Variants in CSPG4 observed in about 807,000 individuals in gnomAD.
CSPG4 encodes the protein chondroitin sulfate proteoglycan 4.
A neutral mutation model predicts 139.3 loss-of-function variants in CSPG4; 74 were observed. The ratio of observed to expected loss-of-function variants is 0.53; its 90% CI spans 0.44 to 0.64. The LOEUF is 0.64. Among genes scored for constraint, CSPG4 ranks in the 30% least tolerant of loss-of-function variants. CSPG4 has a pLI of 0.00. For missense variants in CSPG4, 2,565 were observed against 3,148.3 expected (o/e 0.81, Z 4.43); for synonymous variants, 1,234 against 1,394.2 (o/e 0.89, Z 2.56).
rs1893883716 is a variant in CSPG4, at chr15:75,675,925, T to C, written c.6594A>G (p.Pro2198=). ...GCTCAGGGCTGGATGCCATGGGGCC[T>C]GGCTCGCCTGTGGGGGTGCTGCTCT... The part of the protein sequence containing the change: ...KPESSTPTGE[P]GPMASSPEPA... Residue 2198 remains proline, a synonymous_variant, in exon 10 of 10, where the codon CCA becomes CCG. Coordinates refer to ENST00000308508, the MANE Select transcript of CSPG4 (RefSeq NM_001897.5). 6.3e-7 allele frequency: 1 copy of C among 1,598,500 alleles called. No individual in the cohort carries two copies. Among genetic ancestry groups the C allele is most frequent in the African/African-American group, 1.3e-5 (1 of 74,862 alleles).
At chr15:75,703,582 C>T (rs191363953) in intron 1 of CSPG4, among the ~76,000 whole-genome samples, 25 of 152,278 alleles carry the variant, frequency 1.6e-4, no homozygotes, top group Middle Eastern at 3.4e-3. Flanking sequence ...CAACGCAATG[C>T]GGTGGGGCAG....
chr15:75,678,597 A>G (rs1039029425), intron 8 of CSPG4: 7 of 454,192 alleles, frequency 1.5e-5, no homozygotes, highest in Non-Finnish European at 3.1e-5. Context: ...CAAGCGGTCC[A>G]CTTGCCTCGG....
In CSPG4 at chr15:75,675,957, T is replaced by C; in HGVS notation, c.6562A>G (p.Lys2188Glu). 1.3e-6 allele frequency: 2 copies of C among 1,585,710 alleles called. No individual in the cohort carries two copies. Among genetic ancestry groups the C allele is most frequent in the African/African-American group, 1.3e-5 (1 of 74,770 alleles). ...CCTGTGGGGGTGCTGCTCTCTGGCTTCCCTGCTTCCGTCCGGGCGGCCTCG... is the reference window on the plus strand; with the variant it reads ...CCTGTGGGGGTGCTGCTCTCTGGCTCCCCTGCTTCCGTCCGGGCGGCCTCG... ...VPEAARTEAG[K>E]PESSTPTGEP... The change falls in exon 10 of 10, where the codon AAG becomes GAG. Residue 2188 changes from lysine to glutamate, a missense_variant. Physicochemically the swap from Lys to Glu is moderately conservative, Grantham distance 56 (BLOSUM62 1). This residue lies in a region of CSPG4 where 2,316 missense variants were observed against 2,818.2 expected (regional missense o/e 0.82). Coordinates refer to ENST00000308508, the MANE Select transcript of CSPG4 (RefSeq NM_001897.5).
chr15:75,682,818 C>T, intron 6 of CSPG4, 25 bp downstream of exon 6: 2 of 1,605,738 alleles, frequency 1.2e-6, no homozygotes, highest in Non-Finnish European at 1.7e-6. Context: ...CAGCAGGAAC[C>T]CGAGGCCCGG....
Position 75,677,146 on chromosome 15 carries a change from C to G in CSPG4, c.5373G>C (p.Gly1791=). 1 of 1,423,028 alleles carries G rather than the reference C, an allele frequency of 7.0e-7. No individual in the cohort carries two copies. Among genetic ancestry groups the G allele is most frequent in the Non-Finnish European group, 9.2e-7 (1 of 1,085,860 alleles). The allele number at this position is 1,423,028 out of a possible 1,614,324, so 88.2% of individuals were successfully genotyped here. ...AGTGGAAGCCATCCTGCTGGGTGCC[C>G]CCACCGCCGTGGGCATACACTAGCT... is the stretch of plus-strand genomic sequence containing the variant. ...AGQLVYAHGG[G]GTQQDGFHFR... is the part of the protein sequence containing the mutation. Residue 1791 remains glycine, a synonymous_variant, in exon 10 of 10, where the codon GGG becomes GGC. Coordinates refer to ENST00000308508, the MANE Select transcript of CSPG4 (RefSeq NM_001897.5).
Position 75,677,254 on chromosome 15 carries a change from G to A in CSPG4, c.5265C>T (p.Pro1755=). The part of the protein sequence containing the change: ...HDVLFQVTQF[P]SRGQLLVSEE... ...CGGACACCAACAGCTGGCCCCGGCT[G>A]GGGAACTGTGTGACCTGGAAGAGCA... is the stretch of plus-strand genomic sequence containing the variant. Residue 1755 remains proline (P), a synonymous_variant, in exon 10 of 10, where the codon CCC becomes CCT. Transcript: ENST00000308508. 2.0e-6 allele frequency: 3 copies of A among 1,493,186 alleles called. No homozygotes were observed. The highest frequency in any genetic ancestry group is 1.4e-5 in the South Asian group (1 of 72,384). The allele number at this position is 1,493,186 out of a possible 1,614,324, so 92.5% of individuals were successfully genotyped here. A position where few individuals can be genotyped will look rare whatever the true frequency, so the allele number is the denominator to read the frequency against.
chr15:75,707,106 G>A (rs911040920), intron 1 of CSPG4, among the ~76,000 whole-genome samples: 5 of 152,010 alleles, frequency 3.3e-5, no homozygotes, highest in African/African-American at 1.2e-4. Context: ...TACAGGTGTC[G>A]CCAGCACGCC....
At chr15:75,690,852 T>C in intron 2 of CSPG4, 40 bp from the exon 3 acceptor site, 1 of 1,562,574 alleles carries the variant, frequency 6.4e-7, no homozygotes, top group African/African-American at 1.4e-5. Flanking sequence ...GGACAGCACT[T>C]TGGATCCATC....
rs757919297 is a variant in CSPG4 at position 75,690,717 on chromosome 15, G to C, written c.348C>G (p.Val116=). 1 of 1,613,182 alleles carries C rather than the reference G, an allele frequency of 6.2e-7. No homozygotes were observed. Among genetic ancestry groups the C allele is most frequent in the South Asian group, 1.1e-5 (1 of 91,084 alleles). The change falls in exon 3 of 10, where the codon GTC becomes GTG. Residue 116 remains valine, a synonymous_variant. Coordinates refer to ENST00000308508, the MANE Select transcript of CSPG4 (RefSeq NM_001897.5). The part of the protein sequence containing the change: ...DSIPHTVVLT[V]VEGWATLSVD... ...CTGACAACGTGGCCCAGCCCTCTAC[G>C]ACAGTCAGCACCACAGTGTGGGGGA...
rs1376572951 is a variant in CSPG4 at position 75,688,386 on chromosome 15, A to C, written c.2679T>G (p.Ile893Met). The C allele has an allele frequency of 4.3e-6, 7 of 1,613,374 alleles. No homozygotes were observed. The highest frequency in any genetic ancestry group is 3.4e-6 in the Non-Finnish European group (4 of 1,180,038). Residue 893 changes from isoleucine (I) to methionine (M), a missense_variant, in exon 3 of 10, where the codon ATT becomes ATG. Coordinates refer to ENST00000308508, the MANE Select transcript of CSPG4 (RefSeq NM_001897.5). ...FSPLYTFPIH[I>M]GGDPDAPVLT... ...GGACAGGCGCATCTGGGTCACCACC[A>C]ATGTGGATGGGGAAGGTATAGAGTG...
At chr15:75,701,006 C>T (rs1284725858) in intron 1 of CSPG4, among the ~76,000 whole-genome samples, 1 of 152,202 alleles carries the variant, frequency 6.6e-6, no homozygotes, top group Non-Finnish European at 1.5e-5. Flanking sequence ...ACACAGGGCT[C>T]AGAGCCATGT....
rs1894364037 is a variant in CSPG4 at position 75,705,906 on chromosome 15, T to C, written c.88+6762A>G. ...CTGTGCCTGTGTGTATATGTCTGTG[T>C]GCGTGTGTGTGTGCGTATGTGTGTC... On this transcript the variant is annotated intron_variant, in intron 1 of 9. Coordinates refer to ENST00000308508, the MANE Select transcript of CSPG4 (RefSeq NM_001897.5). Among the ~76,000 whole-genome samples the C allele has an allele frequency of 1.3e-5, 2 of 152,146 alleles. 1 individual carries two copies. The highest frequency in any genetic ancestry group is 4.2e-4 in the South Asian group (2 of 4,790).
chr15:75,710,613 C>T lies in CSPG4; in HGVS notation c.88+2055G>A, dbSNP rs532039848. Among the ~76,000 whole-genome samples the T allele has an allele frequency of 3.9e-5, 6 of 152,280 alleles. No homozygotes were observed. In the South Asian group the frequency reaches 8.3e-4, roughly 21 times the overall value. ...CCTCTAGGGTGCTGACTGCCAGGCC[C>T]CCTGACCTGGATGCCTCAAATGTTG... On this transcript the variant is annotated intron_variant, in intron 1 of 9. Transcript: ENST00000308508.
intron 2 of CSPG4, 53 bp downstream of exon 2, chr15:75,693,017 G>A: frequency 1.2e-6 from 1 of 852,974 alleles, no homozygotes; most frequent in Non-Finnish European, 1.8e-6. Flanking sequence ...CTCAAAGCTA[G>A]AGAAGGAATC....
chr15:75,679,387 C>T (rs1893940671), intron 8 of CSPG4: 1 of 152,500 alleles, frequency 6.6e-6, no homozygotes, highest in Non-Finnish European at 1.5e-5. Flanking sequence ...GCTGCAGTCC[C>T]CCGCCCATTA....
chr15:75,684,925 C>A lies in CSPG4; in HGVS notation c.4273-13G>T, dbSNP rs1894032045. On this transcript the variant is annotated splice_polypyrimidine_tract_variant and intron_variant, in intron 4 of 9. Coordinates refer to ENST00000308508, the MANE Select transcript of CSPG4 (RefSeq NM_001897.5). ...GCTGCTCTTCCACCTAGGGGCAGGC[C>A]CAGGGCTGGCAGTCAGGCCCCAGCA... 1 of 1,601,106 alleles carries A rather than the reference C, an allele frequency of 6.2e-7. No homozygotes were observed. Among genetic ancestry groups the A allele is most frequent in the Admixed American group, 1.7e-5 (1 of 59,858 alleles).
chr15:75,712,244 T>C (rs1282217065), intron 1 of CSPG4, among the ~76,000 whole-genome samples: 2 of 151,268 alleles, frequency 1.3e-5, no homozygotes, highest in East Asian at 3.9e-4. Flanking sequence ...TCCCCATTCC[T>C]GGCCCAGGGC....
chr15:75,685,235 G>A lies in CSPG4; in HGVS notation c.4256C>T (p.Ala1419Val). 7.2e-6 allele frequency: 11 copies of A among 1,521,770 alleles called. No individual in the cohort carries two copies. The highest frequency in any genetic ancestry group is 9.7e-6 in the Non-Finnish European group (11 of 1,135,636). 94.3% of individuals were successfully genotyped at this position (1,521,770 alleles called of 1,614,324 possible). A position where few individuals can be genotyped will look rare whatever the true frequency, so the allele number is the denominator to read the frequency against. Reference sequence around the variant, plus strand: ...CAGCCATACCATTCTCCAGGAGAAGGCGCTGAGGGTCCTGGCTTGAGGTCC... The same window carrying A: ...CAGCCATACCATTCTCCAGGAGAAGACGCTGAGGGTCCTGGCTTGAGGTCC... ...EDGPQARTLS[A>V]FSWRMVEEQL... Residue 1419 changes from alanine to valine, a missense_variant, in exon 4 of 10, where the codon GCC becomes GTC. By Grantham distance (64) the Ala-to-Val change is moderately conservative. Transcript: ENST00000308508.
At position 75,675,664 on chromosome 15, in the gene CSPG4, C is replaced by T. The variant is rs780637386; in HGVS notation, c.6855G>A (p.Pro2285=). ...FRKVEPGQAI[P]LTAVPGQGPP... ...GCCCCTGGCCAGGCACAGCTGTGAG[C>T]GGGATGGCCTGGCCTGGCTCCACCT... is the stretch of plus-strand genomic sequence containing the variant. Residue 2285 remains proline, a synonymous_variant, in exon 10 of 10, where the codon CCG becomes CCA. Coordinates refer to ENST00000308508, the MANE Select transcript of CSPG4 (RefSeq NM_001897.5). 1.4e-5 allele frequency: 22 copies of T among 1,538,380 alleles called. No homozygotes were observed. Among genetic ancestry groups the T allele is most frequent in the East Asian group, 6.8e-5 (3 of 44,034 alleles).
Sources: gnomAD v4.1 joint callset for allele counts (sites outside exome capture counted in the v4.1 genomes callset) on GRCh38, gnomAD v4.1.1 for gene constraint, gnomAD v4.1.1 regional missense constraint, MANE v1.5 for transcripts, NCBI Gene and HGNC (gene_info 2026-07-23, HGNC 2026-07-21) for gene names.